Variants in CSMD1 observed in about 807,000 individuals in gnomAD.
The protein encoded by CSMD1 is CUB and sushi domain-containing protein 1.
In CSMD1, 213 loss-of-function variants were observed where a neutral mutation model predicts 417.5. That is an observed-to-expected ratio of 0.51 (90% CI 0.46 to 0.57). CSMD1 has a LOEUF of 0.57. CSMD1 is among the 20% of genes least tolerant of loss of function. The probability of loss-of-function intolerance (pLI) is 0.00; values close to 1 mark genes in which losing one functional copy is unlikely to be tolerated. For synonymous variants in CSMD1, 2,862 were observed against 1,736.8 expected (o/e 1.65, Z -16.11); for missense variants, 6,923 against 4,529.7 (o/e 1.53, Z -15.17).
At chr8:3,954,981 G>C (rs1302840040) in intron 5 of CSMD1, among the ~76,000 whole-genome samples, 2 of 152,176 alleles carry the variant, frequency 1.3e-5, no homozygotes, top group Admixed American at 6.5e-5. Context: ...TTAACATTTT[G>C]ATGTTAATAA....
chr8:3,189,912 C>T lies in CSMD1; in HGVS notation c.5398G>A (p.Val1800Ile), dbSNP rs1016453857. 6.4e-7 allele frequency: 1 copy of T among 1,573,326 alleles called. No homozygotes were observed. Among genetic ancestry groups the T allele is most frequent in the African/African-American group, 1.4e-5 (1 of 74,016 alleles). ...QWNDTIPSCV[V>I]PCSGNFTQRR... ...GCAGCCGCTTAGGGACACTGCTCACCCACACAGCTGGGGATCGTGTCGTTC... is the reference window on the plus strand; with the variant it reads ...GCAGCCGCTTAGGGACACTGCTCACTCACACAGCTGGGGATCGTGTCGTTC... Residue 1800 changes from valine (V) to isoleucine (I), a missense_variant and splice_region_variant, in exon 34 of 70, where the codon GTA becomes ATA. Coordinates refer to ENST00000635120, the MANE Select transcript of CSMD1 (RefSeq NM_033225.6).
intron 5 of CSMD1, among the ~76,000 whole-genome samples, chr8:3,782,417 G>A (rs552812239): frequency 6.6e-6 from 1 of 152,082 alleles, no homozygotes; most frequent in Non-Finnish European, 1.5e-5. Flanking sequence ...CTATAAATAG[G>A]CTGTTCAACA....
intron 26 of CSMD1, among the ~76,000 whole-genome samples, chr8:3,249,192 C>G (rs547371299): frequency 2.6e-5 from 4 of 152,088 alleles, no homozygotes; most frequent in Non-Finnish European, 5.9e-5. Flanking sequence ...TATGAAGAAT[C>G]AAGATGCACT....
intron 5 of CSMD1, among the ~76,000 whole-genome samples, chr8:3,978,000 A>G (rs535223630): frequency 6.3e-4 from 96 of 152,306 alleles, no homozygotes; most frequent in Non-Finnish European, 8.4e-4. Context: ...AGAGCATCTC[A>G]TAGCTCTTAC....
intron 12 of CSMD1, among the ~76,000 whole-genome samples, chr8:3,429,923 CT>C (rs1256506315): frequency 1.3e-5 from 2 of 152,120 alleles, no homozygotes; most frequent in Non-Finnish European, 2.9e-5. Context: ...GCCACACTGT[CT>C]ATTTCTTATA....
At chr8:4,191,435 C>CA (rs964702616) in intron 3 of CSMD1, among the ~76,000 whole-genome samples, 2 of 151,756 alleles carry the variant, frequency 1.3e-5, no homozygotes, top group Non-Finnish European at 2.9e-5. Flanking sequence ...ACAAAAAACA[C>CA]AAAAAACAAA....
At chr8:3,767,622 T>A (rs1266670876) in intron 5 of CSMD1, among the ~76,000 whole-genome samples, 1 of 152,210 alleles carries the variant, frequency 6.6e-6, no homozygotes, top group East Asian at 1.9e-4. Context: ...TATATCCACT[T>A]GCATATATAT....
At chr8:4,128,531 C>G (rs1802900663) in intron 3 of CSMD1, among the ~76,000 whole-genome samples, 1 of 152,190 alleles carries the variant, frequency 6.6e-6, no homozygotes, top group African/African-American at 2.4e-5. Flanking sequence ...AAACCCCCTC[C>G]TATATTCTAT....
At chr8:4,869,308 C>G (rs1802595935) in intron 1 of CSMD1, among the ~76,000 whole-genome samples, 1 of 151,958 alleles carries the variant, frequency 6.6e-6, no homozygotes, top group Non-Finnish European at 1.5e-5. Context: ...TTGATGGAAA[C>G]AGTGGAGGAG....
rs957533737 is a variant in CSMD1, at chr8:3,085,640, T to G, written c.7474+1457A>C. Among the ~76,000 whole-genome samples the G allele has an allele frequency of 5.9e-5, 9 of 152,216 alleles. 1 individual carries two copies. Among genetic ancestry groups the G allele is most frequent in the African/African-American group, 1.2e-4 (5 of 41,466 alleles). ...ATTTGTATTTCTGAATCATTTAACTTAGCATTAAATAGTTCTGCTGGGGTG... is the reference window on the plus strand; with the variant it reads ...ATTTGTATTTCTGAATCATTTAACTGAGCATTAAATAGTTCTGCTGGGGTG... On this transcript the variant is annotated intron_variant, in intron 49 of 69. Transcript: ENST00000635120.
chr8:4,074,263 T>C (rs1325355889), intron 3 of CSMD1, among the ~76,000 whole-genome samples: 1 of 151,946 alleles, frequency 6.6e-6, no homozygotes, highest in African/African-American at 2.4e-5. Context: ...AATTGTTTCA[T>C]AAAGAAAGTC....
intron 5 of CSMD1, among the ~76,000 whole-genome samples, chr8:3,907,716 G>A (rs1022531900): frequency 1.1e-4 from 17 of 152,164 alleles, no homozygotes; most frequent in Admixed American, 9.2e-4. Flanking sequence ...TTGCTGCCCT[G>A]AGAAGTGTTA....
chr8:4,550,965 T>C (rs886888988), intron 2 of CSMD1, among the ~76,000 whole-genome samples: 5 of 152,198 alleles, frequency 3.3e-5, no homozygotes, highest in African/African-American at 1.2e-4. Context: ...AACGAATTCA[T>C]TAAAAAGAAA....
At chr8:4,206,447 G>T (rs1381955673) in intron 3 of CSMD1, among the ~76,000 whole-genome samples, 2 of 151,514 alleles carry the variant, frequency 1.3e-5, no homozygotes, top group Non-Finnish European at 2.9e-5. Context: ...TTGGTTTTCT[G>T]TCCTTGTGAT....
At chr8:4,409,509 C>G (rs539562662) in intron 3 of CSMD1, among the ~76,000 whole-genome samples, 1 of 152,240 alleles carries the variant, frequency 6.6e-6, no homozygotes, top group African/African-American at 2.4e-5. Context: ...AAAAATGTAA[C>G]CCTAACCAAA....
At chr8:3,422,301 C>T (rs924373623) in intron 12 of CSMD1, among the ~76,000 whole-genome samples, 1 of 152,036 alleles carries the variant, frequency 6.6e-6, no homozygotes, top group Non-Finnish European at 1.5e-5. Flanking sequence ...AATGCTCAGC[C>T]AATAATTTGG....
At chr8:2,979,249 C>T (rs1585085838) in intron 54 of CSMD1, among the ~76,000 whole-genome samples, 1 of 152,190 alleles carries the variant, frequency 6.6e-6, no homozygotes, top group African/African-American at 2.4e-5. Context: ...AATATGTGTG[C>T]CTAAAATAAT....
chr8:3,417,721 CA>C (rs377458490), intron 12 of CSMD1, among the ~76,000 whole-genome samples: 7 of 152,178 alleles, frequency 4.6e-5, no homozygotes, highest in African/African-American at 1.7e-4. Flanking sequence ...CTTAGATTCT[CA>C]TTTTTTTTCC....
rs145673984 is a variant in CSMD1, at chr8:3,827,208, G to C, written c.819-73166C>G. 3.3e-5 allele frequency among the ~76,000 whole-genome samples: 5 copies of C among 152,210 alleles called. No individual in the cohort carries two copies. In the East Asian group the frequency reaches 9.6e-4, roughly 29 times the overall value. ...ATTACATATTCTCCCAAAGAGTAGGGACAAACTTGTCTTTCATACCGACTT... is the reference window on the plus strand; with the variant it reads ...ATTACATATTCTCCCAAAGAGTAGGCACAAACTTGTCTTTCATACCGACTT... On this transcript the variant is annotated intron_variant, in intron 5 of 69. Transcript: ENST00000635120.
Sources: gnomAD v4.1 joint callset for allele counts (sites outside exome capture counted in the v4.1 genomes callset) on GRCh38, gnomAD v4.1.1 for gene constraint, MANE v1.5 for transcripts, NCBI Gene and HGNC (gene_info 2026-07-23, HGNC 2026-07-21) for gene names.